VPS45: variants seen among roughly 807,000 people sequenced by gnomAD.
VPS45 encodes the protein vacuolar protein sorting 45 homolog.
In VPS45, 35 loss-of-function variants were observed where a neutral mutation model predicts 75.9. The observed-to-expected ratio is 0.46, with a 90% confidence interval of 0.35 to 0.61. VPS45 has a LOEUF of 0.61. VPS45 is among the 20% of genes least tolerant of loss of function. VPS45 has a pLI of 0.00. For synonymous variants in VPS45, 220 were observed against 238.2 expected (o/e 0.92, Z 0.70); for missense variants, 559 against 685.9 (o/e 0.81, Z 2.07).
In VPS45 at chr1:150,068,635, C is replaced by A; in HGVS notation, c.99C>A (p.Gly33=). The A allele has an allele frequency of 6.4e-7, 1 of 1,571,202 alleles. No individual in the cohort carries two copies. The highest frequency in any genetic ancestry group is 8.6e-7 in the Non-Finnish European group (1 of 1,157,914). ...KVLLMDKETT[G]IVSMVYTQSE... is the part of the protein sequence containing the mutation. ...TTAATCTTTTGTTTTTACAGACTGG[C>A]ATAGTGAGTATGGTATACACACAAT... Residue 33 remains glycine, a synonymous_variant, in exon 2 of 15, where the codon GGC becomes GGA. Coordinates refer to ENST00000644510, the MANE Select transcript of VPS45 (RefSeq NM_007259.5).
rs574312693 is a variant in VPS45, at chr1:150,140,386, GGTGTGTGTGT to G, written c.1626-4290_1626-4281del. On this transcript the variant is annotated intron_variant, in intron 14 of 14. Transcript: ENST00000644510. Reference sequence around the variant, plus strand: ...ATTATATCCCAATTCCATCACTTCTGGTGTGTGTGTGTGTGTGTGTGTGTGTGTGTGTGTG... The same window carrying G: ...ATTATATCCCAATTCCATCACTTCTGGTGTGTGTGTGTGTGTGTGTGTGTG... 8.2e-3 allele frequency among the ~76,000 whole-genome samples: 1,156 copies of G among 140,430 alleles called. 18 individuals carry two copies. The highest frequency in any genetic ancestry group is 0.029 in the African/African-American group (1,064 of 37,310). 92.1% of individuals were successfully genotyped at this position (140,430 alleles called of 152,430 possible).
chr1:150,126,488 C>T (rs1658525396), intron 14 of VPS45, among the ~76,000 whole-genome samples: 1 of 151,108 alleles, frequency 6.6e-6, no homozygotes, highest in South Asian at 2.2e-4. Flanking sequence ...GCTGGGATTA[C>T]AGGCGTGAGC....
intron 7 of VPS45, among the ~76,000 whole-genome samples, chr1:150,079,112 CA>C (rs11301300): frequency 3.7e-5 from 5 of 135,332 alleles, no homozygotes; most frequent in Non-Finnish European, 4.7e-5. Context: ...ACTCTTGTCT[CA>C]AAAAAAAAAA....
intron 14 of VPS45, among the ~76,000 whole-genome samples, chr1:150,136,276 G>A (rs1270575312): frequency 2.7e-5 from 4 of 148,542 alleles, no homozygotes; most frequent in Non-Finnish European, 4.5e-5. Flanking sequence ...ATTTGAGGCC[G>A]GGTGCGGTGG....
At chr1:150,087,462 C>T (rs1216164345) in intron 10 of VPS45, among the ~76,000 whole-genome samples, 1 of 152,116 alleles carries the variant, frequency 6.6e-6, no homozygotes, top group Non-Finnish European at 1.5e-5. Flanking sequence ...AGTTAATTTC[C>T]AACAGATAAA....
rs781795004 is a variant in VPS45 at position 150,073,643 on chromosome 1, T to TA, written c.289+1427dup. 5.8e-3 allele frequency among the ~76,000 whole-genome samples: 854 copies of TA among 148,410 alleles called. 4 individuals are homozygous for TA. Among genetic ancestry groups the TA allele is most frequent in the African/African-American group, 0.02 (794 of 40,548 alleles). On this transcript the variant is annotated intron_variant, in intron 3 of 14. Transcript: ENST00000644510. ...AAGTAATTGTAGATTCATGTGCAGT[T>TA]AAAAAAAAAACAACGAATAATAATA...
At chr1:150,097,026 G>A (rs1656690403) in intron 13 of VPS45, among the ~76,000 whole-genome samples, 6 of 151,210 alleles carry the variant, frequency 4.0e-5, no homozygotes, top group Admixed American at 1.3e-4. Context: ...AACTCCTCAC[G>A]GGTGATATGC....
intron 14 of VPS45, among the ~76,000 whole-genome samples, chr1:150,142,113 T>C (rs782227031): frequency 6.6e-6 from 1 of 152,136 alleles, no homozygotes; most frequent in Non-Finnish European, 1.5e-5. Context: ...ATAGTGGCCC[T>C]AGGAAACAAA....
chr1:150,078,004 C>A (rs1336488675), intron 7 of VPS45, among the ~76,000 whole-genome samples: 2 of 152,270 alleles, frequency 1.3e-5, no homozygotes, highest in East Asian at 3.9e-4. Flanking sequence ...GTACCTCCAC[C>A]CCTAATCAAG....
intron 14 of VPS45, among the ~76,000 whole-genome samples, chr1:150,127,806 A>T (rs949555017): frequency 6.6e-6 from 1 of 152,248 alleles, no homozygotes; most frequent in Non-Finnish European, 1.5e-5. Flanking sequence ...TTGTTTATAA[A>T]TGTCACCTAT....
At chr1:150,123,808 G>A (rs1318226076) in intron 14 of VPS45, among the ~76,000 whole-genome samples, 1 of 152,178 alleles carries the variant, frequency 6.6e-6, no homozygotes, top group African/African-American at 2.4e-5. Context: ...AGGGTGGCTA[G>A]GTGAATTCAT....
At chr1:150,114,479 A>G (rs1398746004) in intron 14 of VPS45, among the ~76,000 whole-genome samples, 1 of 151,954 alleles carries the variant, frequency 6.6e-6, no homozygotes, top group Non-Finnish European at 1.5e-5. Context: ...AAAAAAAAAA[A>G]AAAAATTATT....
At chr1:150,102,366 A>G (rs587698237) in intron 13 of VPS45, among the ~76,000 whole-genome samples, 1 of 152,268 alleles carries the variant, frequency 6.6e-6, no homozygotes, top group South Asian at 2.1e-4. Flanking sequence ...CCTGACCAAC[A>G]TAATGAAACC....
At chr1:150,077,032 ATAAT>A in intron 5 of VPS45, 48 bp downstream of exon 5, 1 of 1,613,450 alleles carries the variant, frequency 6.2e-7, no homozygotes, top group Non-Finnish European at 8.5e-7. Context: ...AATTCAGCAA[ATAAT>A]TAGACTTGTA....
chr1:150,076,701 A>G, intron 4 of VPS45: 1 of 599,888 alleles, frequency 1.7e-6, no homozygotes, highest in Non-Finnish European at 2.9e-6. Flanking sequence ...TACAACCTTT[A>G]TTTGTTAGAT....
rs782700993 is a variant in VPS45 at position 150,081,346 on chromosome 1, CAT to C, written c.695_696del (p.Tyr232SerfsTer16). ...TTTTCATAATTCTTTATTTAGTGGA[CAT>C]ATCAGGCCATGGTCCACGAACTACT... On this transcript the variant is annotated frameshift_variant, in exon 8 of 15. Transcript: ENST00000644510. LOFTEE classifies it high-confidence loss of function. 6 of 1,592,758 alleles carry C rather than the reference CAT, an allele frequency of 3.8e-6. No homozygotes were observed. Among genetic ancestry groups the C allele is most frequent in the Non-Finnish European group, 5.1e-6 (6 of 1,173,450 alleles).
intron 13 of VPS45, among the ~76,000 whole-genome samples, chr1:150,101,136 G>A (rs1656955475): frequency 6.6e-6 from 1 of 152,048 alleles, no homozygotes; most frequent in South Asian, 2.1e-4. Flanking sequence ...CACGAGTGGT[G>A]GCTGGCACCT....
Position 150,089,718 on chromosome 1 carries a change from ATT to A in VPS45, c.1105-2217_1105-2216del, listed in dbSNP as rs782126388. Among the ~76,000 whole-genome samples, 5 of 152,232 alleles carry A rather than the reference ATT, an allele frequency of 3.3e-5. No individual in the cohort carries two copies. The South Asian group carries it at 1.0e-3, about 32-fold the overall frequency. Reference sequence around the variant, plus strand: ...CGCTGTTGATTGAGATACATACATAATTTGTACCTGAAATTTCTTCATATTAT... The same window carrying A: ...CGCTGTTGATTGAGATACATACATAATGTACCTGAAATTTCTTCATATTAT... On this transcript the variant is annotated intron_variant, in intron 10 of 14. Transcript: ENST00000644510.
At chr1:150,088,120 A>G (rs1203699537) in intron 10 of VPS45, among the ~76,000 whole-genome samples, 1 of 152,164 alleles carries the variant, frequency 6.6e-6, no homozygotes, top group Non-Finnish European at 1.5e-5. Context: ...TATATAATAC[A>G]TTATTGTTAA....
Sources: gnomAD v4.1 joint callset for allele counts (sites outside exome capture counted in the v4.1 genomes callset) on GRCh38, gnomAD v4.1.1 for gene constraint, MANE v1.5 for transcripts, NCBI Gene and HGNC (gene_info 2026-07-23, HGNC 2026-07-21) for gene names.